Variants in MROH2A observed in about 807,000 individuals in gnomAD.
MROH2A encodes maestro heat-like repeat-containing protein family member 2A.
Under a neutral mutation model 200.4 loss-of-function variants are expected in MROH2A, and 174 were observed. The ratio of observed to expected loss-of-function variants is 0.87; its 90% CI spans 0.77 to 0.98. The LOEUF is 0.98. Among genes scored for constraint, MROH2A ranks in the 50% least tolerant of loss-of-function variants. The pLI, the probability that MROH2A is intolerant of heterozygous loss-of-function variation, is 0.00. For missense variants in MROH2A, 2,045 were observed against 2,139.6 expected (o/e 0.96, Z 0.87); for synonymous variants, 829 against 840.4 (o/e 0.99, Z 0.23).
Position 233,807,719 on chromosome 2 carries a change from G to T in MROH2A, c.2173-14G>T. 1 of 1,550,668 alleles carries T rather than the reference G, an allele frequency of 6.4e-7. No individual in the cohort carries two copies. The highest frequency in any genetic ancestry group is 2.4e-5 in the East Asian group (1 of 40,922). ...GCCCCTGCCCTCACCCTGGCTGGCT[G>T]GGTCTCCCTGCAGGGTGTGATTATG... On this transcript the variant is annotated splice_polypyrimidine_tract_variant and intron_variant, in intron 20 of 41. Coordinates refer to ENST00000389758, the MANE Select transcript of MROH2A (RefSeq NM_001394639.1). The surrounding 1 kb of genome is among the most constrained non-coding windows in gnomAD (Gnocchi z 4.3).
At position 233,795,975 on chromosome 2, in the gene MROH2A, C is replaced by A. The variant is rs1332502081; in HGVS notation, c.1068C>A (p.Asn356Lys). ...IFTELHVQVC[N>K]KAPAQHQYSS... ...TGCACGTCCCTCACCAGGTGTGCAA[C>A]AAGGCCCCGGCCCAGCATCAGTACA... Residue 356 changes from asparagine (N) to lysine (K), a missense_variant, in exon 10 of 42, where the codon AAC (asparagine) becomes AAA (lysine). Physicochemically the swap from Asn to Lys is moderately conservative, Grantham distance 94. Coordinates refer to ENST00000389758, the MANE Select transcript of MROH2A (RefSeq NM_001394639.1). 1.3e-6 allele frequency: 2 copies of A among 1,550,610 alleles called. No homozygotes were observed. Among genetic ancestry groups the A allele is most frequent in the East Asian group, 4.9e-5 (2 of 40,916 alleles).
chr2:233,807,270 G>C lies in MROH2A; in HGVS notation c.2053-153G>C, dbSNP rs1351921210. On this transcript the variant is annotated intron_variant, in intron 19 of 41. Transcript: ENST00000389758. This position sits in a 1 kb window ranked among gnomAD's most constrained non-coding sequence, Gnocchi z 4.3. Reference sequence around the variant, plus strand: ...GCATTTGGGCTGCTTCCACATTTTTGCACTTGTGAATTGTGCTGCTGTAAA... The same window carrying C: ...GCATTTGGGCTGCTTCCACATTTTTCCACTTGTGAATTGTGCTGCTGTAAA... Among the ~76,000 whole-genome samples the C allele has an allele frequency of 6.6e-6, 1 of 152,034 alleles. No homozygotes were observed. Among genetic ancestry groups the C allele is most frequent in the Non-Finnish European group, 1.5e-5 (1 of 68,026 alleles).
Position 233,813,749 on chromosome 2 carries a change from C to T in MROH2A, c.2731C>T (p.Leu911Phe). The change falls in exon 25 of 42, where the codon CTC becomes TTC. Residue 911 changes from leucine (L) to phenylalanine (F), a missense_variant. Leu to Phe is a conservative substitution (Grantham distance 22, BLOSUM62 0). Coordinates refer to ENST00000389758, the MANE Select transcript of MROH2A (RefSeq NM_001394639.1). The stretch of plus-strand genomic sequence containing the variant: ...CATACATTCTGTAATTTCTCTCCAA[C>T]TCCCAGGAGAGGACAATGAGTCCAT... ...ISIHSVISLQ[L>F]PGEDNESIKT... 6.5e-7 allele frequency: 1 copy of T among 1,548,172 alleles called. No homozygotes were observed. The highest frequency in any genetic ancestry group is 8.7e-7 in the Non-Finnish European group (1 of 1,144,816).
Position 233,823,673 on chromosome 2 carries a change from G to T in MROH2A, c.4113+9G>T. 6.5e-7 allele frequency: 1 copy of T among 1,548,324 alleles called. No homozygotes were observed. Among genetic ancestry groups the T allele is most frequent in the South Asian group, 1.2e-5 (1 of 83,976 alleles). ...GCAGCACAGCGGTCTGCGTGGAAAT[G>T]AGGCACCGGGTGTGGGCGGGGTGCA... On this transcript the variant is annotated intron_variant, in intron 35 of 41. Coordinates refer to ENST00000389758, the MANE Select transcript of MROH2A (RefSeq NM_001394639.1).
intron 4 of MROH2A, 90 bp downstream of exon 4, chr2:233,789,718 G>A: frequency 1.4e-6 from 2 of 1,453,342 alleles, no homozygotes; most frequent in Non-Finnish European, 1.8e-6. Flanking sequence ...ACAGCCCTGT[G>A]CAGTTACCTC....
At chr2:233,778,741 C>A (rs913637013) in intron 1 of MROH2A, among the ~76,000 whole-genome samples, 1 of 152,210 alleles carries the variant, frequency 6.6e-6, no homozygotes, top group African/African-American at 2.4e-5. Flanking sequence ...CATTAATTAT[C>A]AGTGTGTAGA....
At chr2:233,811,015 C>G (rs989894316) in intron 23 of MROH2A, 99 bp downstream of exon 23, 7 of 1,348,572 alleles carry the variant, frequency 5.2e-6, no homozygotes, top group Non-Finnish European at 7.1e-6. Context: ...ATCTGCAGAG[C>G]TCTCTGAAGT....
chr2:233,785,763 C>G (rs1340240352), intron 3 of MROH2A, among the ~76,000 whole-genome samples: 1 of 151,976 alleles, frequency 6.6e-6, no homozygotes, highest in Non-Finnish European at 1.5e-5. Context: ...TGGATAGTGG[C>G]CCAGAGTGTG....
Position 233,828,400 on chromosome 2 carries a change from G to A in MROH2A, c.4114-230G>A, listed in dbSNP as rs7606432. ...ATAAATGACGAATTTATATATATAC[G>A]TAACACTTATCTAGCATTCCCCCCA... On this transcript the variant is annotated intron_variant, in intron 35 of 41. Transcript: ENST00000389758. This position sits in a 1 kb window ranked among gnomAD's most constrained non-coding sequence, Gnocchi z 4.6. Among the ~76,000 whole-genome samples the A allele has an allele frequency of 6.6e-6, 1 of 151,974 alleles. No homozygotes were observed. The highest frequency in any genetic ancestry group is 1.5e-5 in the Non-Finnish European group (1 of 67,990).
At chr2:233,813,612 G>T (rs1383469564) in intron 24 of MROH2A, 58 bp from the exon 25 acceptor site, 1 of 1,058,332 alleles carries the variant, frequency 9.4e-7, no homozygotes, top group Admixed American at 2.1e-5. Flanking sequence ...GGGCAGTGGG[G>T]CAGCAGAAGC....
intron 3 of MROH2A, among the ~76,000 whole-genome samples, chr2:233,783,263 A>G (rs891739950): frequency 6.6e-6 from 1 of 151,814 alleles, no homozygotes; most frequent in Non-Finnish European, 1.5e-5. Flanking sequence ...CTCCTTATCC[A>G]TCTCTTTTTT....
rs766903289 is a variant in MROH2A, at chr2:233,800,212, G to A, written c.1457G>A (p.Arg486His). 57 of 1,547,402 alleles carry A rather than the reference G, an allele frequency of 3.7e-5. No homozygotes were observed. Among genetic ancestry groups the A allele is most frequent in the Non-Finnish European group, 4.2e-5 (48 of 1,145,190 alleles). The change falls in exon 14 of 42, where the codon CGC becomes CAC. Residue 486 changes from arginine (R) to histidine (H), a missense_variant. Around this residue, in one of 3 missense-constraint regions of MROH2A, gnomAD observed 831 missense variants for 800.0 expected, o/e 1.04. Coordinates refer to ENST00000389758, the MANE Select transcript of MROH2A (RefSeq NM_001394639.1). ...CTTGGTTCTTTCTTCCAGACAAATC[G>A]CCGGGAGAAGTTTTATCAGAGGGAC... ...LTLSTYKLTN[R>H]REKFYQRDLE...
intron 3 of MROH2A, among the ~76,000 whole-genome samples, chr2:233,780,426 T>G (rs1700902413): frequency 6.6e-6 from 1 of 152,192 alleles, no homozygotes; most frequent in African/African-American, 2.4e-5. Context: ...AGTTCCCAGG[T>G]GATGCCAAGG....
intron 11 of MROH2A, among the ~76,000 whole-genome samples, chr2:233,796,706 A>G (rs1022902580): frequency 1.3e-5 from 2 of 152,204 alleles, no homozygotes; most frequent in African/African-American, 4.8e-5. Context: ...CTGAGATTTA[A>G]AGAGAACCCC....
chr2:233,795,957 C>T lies in MROH2A; in HGVS notation c.1060-10C>T. The T allele has an allele frequency of 1.3e-6, 2 of 1,550,290 alleles. No homozygotes were observed. Among genetic ancestry groups the T allele is most frequent in the Middle Eastern group, 1.7e-4 (1 of 5,982 alleles). ...GATCTCCTCCAGCCTCACTGCACGTCCCTCACCAGGTGTGCAACAAGGCCC... is the reference window on the plus strand; with the variant it reads ...GATCTCCTCCAGCCTCACTGCACGTTCCTCACCAGGTGTGCAACAAGGCCC... On this transcript the variant is annotated splice_polypyrimidine_tract_variant and intron_variant, in intron 9 of 41. Transcript: ENST00000389758.
intron 25 of MROH2A, 86 bp from the exon 26 acceptor site, chr2:233,814,496 C>G: frequency 1.1e-6 from 1 of 887,806 alleles, no homozygotes; most frequent in Non-Finnish European, 1.8e-6. Context: ...GACTGCCAGA[C>G]CCCTCCCTGG....
intron 3 of MROH2A, among the ~76,000 whole-genome samples, chr2:233,788,354 C>A (rs1422350879): frequency 1.3e-5 from 2 of 149,806 alleles, no homozygotes; most frequent in Non-Finnish European, 3.0e-5. Flanking sequence ...GCTACTAAGG[C>A]CACATCATTA....
intron 9 of MROH2A, 94 bp downstream of exon 9, chr2:233,795,839 C>T (rs946414151): frequency 6.5e-5 from 101 of 1,545,602 alleles, no homozygotes; most frequent in Middle Eastern, 1.7e-4. Flanking sequence ...AACTCACTCG[C>T]GTGCTTCCTT....
intron 35 of MROH2A, among the ~76,000 whole-genome samples, chr2:233,824,657 A>G (rs7607494): frequency 0.086 from 13,030 of 152,282 alleles, 605 homozygotes; most frequent in African/African-American, 0.12. Flanking sequence ...CTGAGCTTCA[A>G]GCTCTCCATC....
Sources: allele counts gnomAD v4.1 joint callset (sites outside exome capture counted in the v4.1 genomes callset), GRCh38; gene constraint gnomAD v4.1.1; regional missense constraint gnomAD v4.1.1; non-coding constraint Gnocchi (gnomAD v3.1); transcripts MANE v1.5; gene names NCBI Gene and HGNC (gene_info 2026-07-23, HGNC 2026-07-21).